The following CNTNAP2 variants were observed in gnomAD, a reference collection of about 807,000 sequenced individuals.
The protein encoded by CNTNAP2 is contactin-associated protein-like 2.
Under a neutral mutation model 155.2 loss-of-function variants are expected in CNTNAP2, and 98 were observed. The observed-to-expected ratio is 0.63, with a 90% confidence interval of 0.54 to 0.75. The LOEUF (loss-of-function observed/expected upper bound fraction) is 0.75, where lower values mean the gene tolerates loss of function less well. CNTNAP2 is among the 30% of genes least tolerant of loss of function. CNTNAP2 has a pLI of 0.00. For missense variants in CNTNAP2, 1,727 were observed against 1,688.1 expected (o/e 1.02, Z -0.40); for synonymous variants, 651 against 631.2 (o/e 1.03, Z -0.47).
intron 2 of CNTNAP2, among the ~76,000 whole-genome samples, chr7:146,788,732 T>G (rs1585091070): frequency 1.3e-5 from 2 of 152,364 alleles, no homozygotes; most frequent in East Asian, 3.9e-4. Flanking sequence ...AAGCTTCCTG[T>G]CCTTTGGTAG....
chr7:147,681,189 T>C (rs1246544844), intron 13 of CNTNAP2, among the ~76,000 whole-genome samples: 2 of 151,982 alleles, frequency 1.3e-5, no homozygotes, highest in East Asian at 1.9e-4. Flanking sequence ...TTAGTTTTTA[T>C]AGAAATAGAA....
chr7:147,341,793 CACACACACAA>C (rs1274648375), intron 9 of CNTNAP2, among the ~76,000 whole-genome samples: 1 of 151,488 alleles, frequency 6.6e-6, no homozygotes, highest in African/African-American at 2.4e-5. Context: ...CACACACACA[CACACACACAA>C]ATGCTACAAC....
intron 1 of CNTNAP2, among the ~76,000 whole-genome samples, chr7:146,536,595 C>A (rs1379179319): frequency 1.3e-5 from 2 of 151,040 alleles, no homozygotes; most frequent in South Asian, 2.1e-4. Context: ...CATGTTCCCC[C>A]CCCACCACCA....
At position 147,110,049 on chromosome 7, in the gene CNTNAP2, C is replaced by T. The variant is rs1025259672; in HGVS notation, c.754+1699C>T. Among the ~76,000 whole-genome samples the T allele has an allele frequency of 3.4e-4, 51 of 152,032 alleles. 1 individual carries two copies. Among genetic ancestry groups the T allele is most frequent in the African/African-American group, 1.1e-3 (44 of 41,396 alleles). ...AAGTGATGCTCCTGCCTCAGCCTCC[C>T]GAGTAGCTGGGATTACAGGCACCTA... is the stretch of plus-strand genomic sequence containing the variant. On this transcript the variant is annotated intron_variant, in intron 5 of 23. Coordinates refer to ENST00000361727, the MANE Select transcript of CNTNAP2 (RefSeq NM_014141.6).
rs1442430565 is a variant in CNTNAP2, at chr7:148,198,306, T to A, written c.3011-18982T>A. On this transcript the variant is annotated intron_variant, in intron 18 of 23. Transcript: ENST00000361727. ...TGATAGGTTTGGCAAAGGGGCATGA[T>A]CCAAGAAGTAAGAAATGTGTGAGAA... is the stretch of plus-strand genomic sequence containing the variant. Among the ~76,000 whole-genome samples the A allele has an allele frequency of 2.6e-5, 4 of 152,216 alleles. No individual in the cohort carries two copies. In the East Asian group the frequency reaches 7.7e-4, roughly 29 times the overall value.
chr7:147,522,118 T>C (rs1015302344), intron 11 of CNTNAP2, among the ~76,000 whole-genome samples: 3 of 152,180 alleles, frequency 2.0e-5, no homozygotes, highest in Non-Finnish European at 4.4e-5. Context: ...ACAAGGAGTA[T>C]CTCTGAGGCC....
In CNTNAP2 at chr7:147,755,554, G is replaced by A. The variant is rs188415143; in HGVS notation, c.2098+116248G>A. Among the ~76,000 whole-genome samples the A allele has an allele frequency of 2.5e-4, 38 of 152,346 alleles. 1 individual carries two copies. The highest frequency in any genetic ancestry group is 5.0e-4 in the Non-Finnish European group (34 of 68,028). On this transcript the variant is annotated intron_variant, in intron 13 of 23. Coordinates refer to ENST00000361727, the MANE Select transcript of CNTNAP2 (RefSeq NM_014141.6). The stretch of plus-strand genomic sequence containing the variant: ...TGTAGTCTCAGCTACTTGGAAGGCA[G>A]AGGCAGGAGAATTGCTGAACCCGAG...
intron 4 of CNTNAP2, among the ~76,000 whole-genome samples, chr7:147,077,727 T>C (rs76588184): frequency 0.054 from 8,258 of 152,286 alleles, 301 homozygotes; most frequent in Middle Eastern, 0.1. Flanking sequence ...TTAGCCTTTC[T>C]GTGCCTCAGT....
intron 8 of CNTNAP2, among the ~76,000 whole-genome samples, chr7:147,221,996 C>T (rs1217186233): frequency 6.6e-6 from 1 of 152,078 alleles, no homozygotes; most frequent in African/African-American, 2.4e-5. Context: ...TGTCACCCAC[C>T]CCCTCTCTGG....
chr7:146,836,563 C>G (rs1037909138), intron 2 of CNTNAP2, among the ~76,000 whole-genome samples: 46 of 152,152 alleles, frequency 3.0e-4, no homozygotes, highest in Admixed American at 1.6e-3. Flanking sequence ...GACTCCTATC[C>G]TTTGTACTAT....
chr7:147,473,430 T>C (rs1420112185), intron 10 of CNTNAP2, among the ~76,000 whole-genome samples: 1 of 152,134 alleles, frequency 6.6e-6, no homozygotes, highest in Non-Finnish European at 1.5e-5. Flanking sequence ...GACGCTCCTT[T>C]CAAATAGCGG....
At chr7:147,996,467 A>G (rs1244051558) in intron 15 of CNTNAP2, among the ~76,000 whole-genome samples, 1 of 152,226 alleles carries the variant, frequency 6.6e-6, no homozygotes, top group African/African-American at 2.4e-5. Flanking sequence ...AGACAGGCCT[A>G]TGCTGAAATT....
chr7:147,353,476 C>T (rs13226026), intron 9 of CNTNAP2, among the ~76,000 whole-genome samples: 42,316 of 151,812 alleles, frequency 0.28, 6,164 homozygotes, highest in African/African-American at 0.33. Context: ...GGACATGAAC[C>T]CATCCTTTTC....
intron 1 of CNTNAP2, among the ~76,000 whole-genome samples, chr7:146,266,853 G>A (rs1326544857): frequency 2.0e-5 from 3 of 149,728 alleles, no homozygotes; most frequent in East Asian, 3.9e-4. Flanking sequence ...CACACCCACA[G>A]CACACTCTTC....
intron 21 of CNTNAP2, among the ~76,000 whole-genome samples, chr7:148,351,360 T>C (rs1173667186): frequency 6.6e-6 from 1 of 151,950 alleles, no homozygotes; most frequent in African/African-American, 2.4e-5. Context: ...TGAGAGGAGC[T>C]GGGGAAATGC....
At chr7:148,009,135 T>C (rs73466140) in intron 15 of CNTNAP2, among the ~76,000 whole-genome samples, 3,584 of 152,260 alleles carry the variant, frequency 0.024, 166 homozygotes, top group African/African-American at 0.081. Context: ...TGAAAATTCG[T>C]TTAATACACC....
At chr7:146,234,949 T>C (rs2116919487) in intron 1 of CNTNAP2, among the ~76,000 whole-genome samples, 1 of 152,306 alleles carries the variant, frequency 6.6e-6, no homozygotes, top group South Asian at 2.1e-4. Flanking sequence ...ATGATTTTAT[T>C]TATTCCTTGG....
chr7:147,588,662 G>T (rs1239669523), intron 12 of CNTNAP2, among the ~76,000 whole-genome samples: 1 of 152,028 alleles, frequency 6.6e-6, no homozygotes, highest in Admixed American at 6.6e-5. Flanking sequence ...TCACATCATA[G>T]TGCCAGGCAA....
intron 21 of CNTNAP2, among the ~76,000 whole-genome samples, chr7:148,336,300 T>C (rs1293028298): frequency 6.6e-6 from 1 of 152,198 alleles, no homozygotes; most frequent in Non-Finnish European, 1.5e-5. Flanking sequence ...TGAAATGATA[T>C]AGTTTTATCT....
Sources: allele counts gnomAD v4.1 joint callset (sites outside exome capture counted in the v4.1 genomes callset), GRCh38; gene constraint gnomAD v4.1.1; transcripts MANE v1.5; gene names NCBI Gene and HGNC (gene_info 2026-07-23, HGNC 2026-07-21).